PRKG1: variants seen among roughly 807,000 people sequenced by gnomAD.
PRKG1 encodes protein kinase cGMP-dependent 1.
Under a neutral mutation model 88.1 loss-of-function variants are expected in PRKG1, and 35 were observed. The ratio of observed to expected loss-of-function variants is 0.40; its 90% confidence interval spans 0.30 to 0.53. The LOEUF is 0.53. Ranked by LOEUF, PRKG1 falls within the 20% of genes least tolerant of loss-of-function variation. The pLI is 0.59. For synonymous variants in PRKG1, 303 were observed against 292.5 expected, an observed-to-expected ratio of 1.04 and a Z score of -0.37; for missense variants, 540 against 839.8, an observed-to-expected ratio of 0.64 and a Z score of 4.41.
intron 2 of PRKG1, among the ~76,000 whole-genome samples, chr10:51,406,990 G>A (rs995341740): frequency 2.6e-5 from 4 of 152,182 alleles, no homozygotes; most frequent in Non-Finnish European, 4.4e-5. Context: ...AGCATCCAGC[G>A]TGGGAGAAAC....
intron 5 of PRKG1, among the ~76,000 whole-genome samples, chr10:51,976,026 A>G (rs1843823954): frequency 6.6e-6 from 1 of 152,074 alleles, no homozygotes. Context: ...CTTAAACATC[A>G]TTAGTCATTA....
chr10:51,929,767 A>C (rs893283752), intron 5 of PRKG1, among the ~76,000 whole-genome samples: 2 of 152,168 alleles, frequency 1.3e-5, no homozygotes, highest in African/African-American at 4.8e-5. Context: ...GCTTCCTCTT[A>C]GAGGATACTA....
chr10:51,999,792 T>C (rs1324222632), intron 5 of PRKG1, among the ~76,000 whole-genome samples: 1 of 152,132 alleles, frequency 6.6e-6, no homozygotes, highest in Non-Finnish European at 1.5e-5. Context: ...TTAGTATAAT[T>C]TGTATATCTC....
At chr10:52,226,984 G>A (rs762343851) in intron 9 of PRKG1, among the ~76,000 whole-genome samples, 1 of 152,094 alleles carries the variant, frequency 6.6e-6, no homozygotes, top group Non-Finnish European at 1.5e-5. Context: ...CTTATATTCT[G>A]TCAATGACAC....
intron 3 of PRKG1, among the ~76,000 whole-genome samples, chr10:51,803,467 G>C (rs1190002910): frequency 2.0e-5 from 3 of 152,080 alleles, no homozygotes; most frequent in South Asian, 4.2e-4. Flanking sequence ...CTTCTCCCCT[G>C]TTCGTTTGTG....
chr10:51,185,081 A>T (rs1837451148), intron 2 of PRKG1, among the ~76,000 whole-genome samples: 1 of 152,182 alleles, frequency 6.6e-6, no homozygotes, highest in Non-Finnish European at 1.5e-5. Context: ...TTTGACCAAT[A>T]TTTAGCTTAT....
At chr10:51,172,384 A>T (rs1372730434) in intron 2 of PRKG1, among the ~76,000 whole-genome samples, 1 of 152,098 alleles carries the variant, frequency 6.6e-6, no homozygotes, top group Admixed American at 6.6e-5. Context: ...TGAAGATAAA[A>T]TTTAATAATA....
intron 2 of PRKG1, among the ~76,000 whole-genome samples, chr10:51,279,527 T>C (rs1228330464): frequency 2.0e-5 from 3 of 152,170 alleles, no homozygotes; most frequent in African/African-American, 7.2e-5. Context: ...TCTTTGTAGG[T>C]CTCTAAGGAC....
intron 1 of PRKG1, among the ~76,000 whole-genome samples, chr10:50,998,637 G>T (rs535704639): frequency 3.6e-4 from 55 of 151,944 alleles, no homozygotes; most frequent in Non-Finnish European, 6.0e-4. Context: ...AGTCCCAGCT[G>T]CTTGGGAGAC....
At chr10:51,585,045 A>G (rs1249705913) in intron 3 of PRKG1, among the ~76,000 whole-genome samples, 1 of 152,136 alleles carries the variant, frequency 6.6e-6, no homozygotes, top group Non-Finnish European at 1.5e-5. Context: ...GATAAAATGG[A>G]GTAATCAAAT....
chr10:51,726,996 G>T (rs996476970), intron 3 of PRKG1, among the ~76,000 whole-genome samples: 1 of 151,890 alleles, frequency 6.6e-6, no homozygotes, highest in Non-Finnish European at 1.5e-5. Context: ...AGCCAAGCTG[G>T]TCTCGATTTC....
intron 7 of PRKG1, among the ~76,000 whole-genome samples, chr10:52,081,943 A>G (rs186510197): frequency 6.6e-6 from 1 of 152,238 alleles, no homozygotes; most frequent in East Asian, 1.9e-4. Flanking sequence ...GTATTAGTCC[A>G]TTCTCATGCT....
intron 3 of PRKG1, among the ~76,000 whole-genome samples, chr10:51,789,313 T>A (rs1838808002): frequency 6.6e-6 from 1 of 152,188 alleles, no homozygotes; most frequent in African/African-American, 2.4e-5. Flanking sequence ...CAGGAAATTG[T>A]GTCATCATGA....
At chr10:51,601,804 T>C (rs1328397574) in intron 3 of PRKG1, among the ~76,000 whole-genome samples, 4 of 138,502 alleles carry the variant, frequency 2.9e-5, no homozygotes, top group Non-Finnish European at 1.5e-5. Context: ...ATGCAGAGGT[T>C]TGGGTGATCT....
intron 1 of PRKG1, among the ~76,000 whole-genome samples, chr10:51,079,679 TTGTGTGTG>T (rs56746938): frequency 2.7e-5 from 4 of 150,180 alleles, no homozygotes; most frequent in Non-Finnish European, 5.9e-5. Context: ...TAAGGCTCAT[TTGTGTGTG>T]TGTGTGTGTG....
intron 3 of PRKG1, among the ~76,000 whole-genome samples, chr10:51,488,757 C>T (rs2132865190): frequency 6.6e-6 from 1 of 152,300 alleles, no homozygotes; most frequent in Admixed American, 6.5e-5. Context: ...GGGAGCCCCG[C>T]AGAGGGCTTT....
At chr10:51,668,302 C>T (rs1000327051) in intron 3 of PRKG1, among the ~76,000 whole-genome samples, 2 of 152,138 alleles carry the variant, frequency 1.3e-5, no homozygotes, top group Non-Finnish European at 1.5e-5. Flanking sequence ...AGATTTTGTA[C>T]CACTTGTTGG....
intron 2 of PRKG1, among the ~76,000 whole-genome samples, chr10:51,248,115 GT>G (rs1202649114): frequency 2.0e-5 from 3 of 151,916 alleles, no homozygotes; most frequent in African/African-American, 4.8e-5. Flanking sequence ...ATCTGTGGCT[GT>G]TGAAAAACTA....
intron 3 of PRKG1, among the ~76,000 whole-genome samples, chr10:51,635,817 AG>A (rs1230264411): frequency 6.6e-6 from 1 of 152,220 alleles, no homozygotes; most frequent in Non-Finnish European, 1.5e-5. Context: ...CTTTAGAGAC[AG>A]GGAAACAATT....
Sources: gnomAD v4.1 joint callset for allele counts (sites outside exome capture counted in the v4.1 genomes callset) on GRCh38, gnomAD v4.1.1 for gene constraint, MANE v1.5 for transcripts, NCBI Gene and HGNC (gene_info 2026-07-23, HGNC 2026-07-21) for gene names.